The following TNS3 variants were observed in gnomAD, a reference collection of about 807,000 sequenced individuals.
TNS3 encodes tensin-3.
A neutral mutation model predicts 140.9 loss-of-function variants in TNS3; 45 were observed. The observed-to-expected ratio is 0.32, with a 90% CI of 0.25 to 0.41. TNS3 has a LOEUF of 0.41. Among genes scored for constraint, TNS3 ranks in the 10% least tolerant of loss-of-function variants. The pLI, the probability that TNS3 is intolerant of heterozygous loss-of-function variation, is 1.00. For missense variants in TNS3, 1,716 were observed against 1,906.7 expected (o/e 0.90, Z 1.86); for synonymous variants, 815 against 788.4 (o/e 1.03, Z -0.56).
At chr7:47,424,760 T>C (rs1480158291) in intron 9 of TNS3, among the ~76,000 whole-genome samples, 7 of 152,210 alleles carry the variant, frequency 4.6e-5, no homozygotes, top group African/African-American at 9.6e-5. Context: ...TTGAGAAGGC[T>C]GTAGGGCACT....
chr7:47,316,094 TTCTCTCTCTCTCTC>T (rs56939479), intron 20 of TNS3, among the ~76,000 whole-genome samples: 3,732 of 105,868 alleles, frequency 0.035, 75 homozygotes, highest in Middle Eastern at 0.075. Context: ...AACTAACTAT[TTCTCTCTCTCTCTC>T]TCTCTCTCTC....
At chr7:47,474,745 A>C (rs1295323031) in intron 4 of TNS3, among the ~76,000 whole-genome samples, 1 of 148,678 alleles carries the variant, frequency 6.7e-6, no homozygotes, top group Non-Finnish European at 1.5e-5. Flanking sequence ...ACACCTCAGC[A>C]CAACACACAA....
At position 47,283,656 on chromosome 7, in the gene TNS3, C is replaced by T. The variant is rs369402308; in HGVS notation, c.4097+41G>A. 36 of 1,492,160 alleles carry T rather than the reference C, an allele frequency of 2.4e-5. No homozygotes were observed. The South Asian group carries it at 3.1e-4, about 13-fold the overall frequency. 92.4% of individuals were successfully genotyped at this position (1,492,160 alleles called of 1,614,324 possible). A position where few individuals can be genotyped will look rare whatever the true frequency, so the allele number is the denominator to read the frequency against. On this transcript the variant is annotated intron_variant, in intron 28 of 30. Transcript: ENST00000311160. ...AAGAACAAGAGGAACGTGACAGCCC[C>T]GCCCCTGCTGGACGGCTCCTGCCTC...
chr7:47,527,392 G>A (rs1156974899), intron 2 of TNS3, among the ~76,000 whole-genome samples: 2 of 152,160 alleles, frequency 1.3e-5, no homozygotes, highest in Admixed American at 6.5e-5. Flanking sequence ...GACACAGAGG[G>A]GCTGCTGTAT....
chr7:47,389,080 A>G (rs62446295), intron 16 of TNS3, among the ~76,000 whole-genome samples: 60,496 of 65,652 alleles, frequency 0.92, 28,388 homozygotes, highest in Non-Finnish European at 0.98. Context: ...AAGAAGAAGA[A>G]GAAGAGGAAG....
At chr7:47,431,003 A>G (rs1200245837) in intron 8 of TNS3, among the ~76,000 whole-genome samples, 2 of 152,108 alleles carry the variant, frequency 1.3e-5, no homozygotes, top group Non-Finnish European at 2.9e-5. Flanking sequence ...GATCACAGGC[A>G]TGAGCCACCG....
At chr7:47,450,787 G>A (rs1795978977) in intron 4 of TNS3, among the ~76,000 whole-genome samples, 1 of 152,228 alleles carries the variant, frequency 6.6e-6, no homozygotes, top group Non-Finnish European at 1.5e-5. Flanking sequence ...GGTTAAACAT[G>A]GCACCCCGTT....
At chr7:47,541,645 A>C (rs1376237536) in intron 1 of TNS3, among the ~76,000 whole-genome samples, 1 of 152,150 alleles carries the variant, frequency 6.6e-6, no homozygotes, top group African/African-American at 2.4e-5. Context: ...TTGAGTCCCT[A>C]CTGATAGAAG....
At chr7:47,381,701 G>A (rs768048609) in intron 16 of TNS3, among the ~76,000 whole-genome samples, 4 of 152,216 alleles carry the variant, frequency 2.6e-5, no homozygotes, top group Non-Finnish European at 5.9e-5. Context: ...TCGCTTACAG[G>A]AGGTTAAGGT....
chr7:47,366,517 G>T (rs980361522), intron 17 of TNS3, among the ~76,000 whole-genome samples: 3 of 152,186 alleles, frequency 2.0e-5, no homozygotes, highest in Admixed American at 2.0e-4. Flanking sequence ...TCACAGAGAC[G>T]CTGCCCTTTA....
At position 47,368,437 on chromosome 7, in the gene TNS3, C is replaced by A; in HGVS notation, c.2209G>T (p.Gly737Ter). 1 of 1,551,906 alleles carries A rather than the reference C, an allele frequency of 6.4e-7. No individual in the cohort carries two copies. The highest frequency in any genetic ancestry group is 2.3e-5 in the East Asian group (1 of 43,578). Residue 737 changes from glycine to a stop codon, truncating the protein, a stop_gained, in exon 17 of 31, where the codon GGA becomes TGA. Transcript: ENST00000311160. LOFTEE classifies it high-confidence loss of function. ...CTGCTGCTTGCCCGGAGCCCACCTC[C>A]CACGCTGTCTGGAGACACAGAGCCA... ...ANGSVSPDSV[G>*]GGLRASSRLP...
In TNS3 at chr7:47,275,982, C is replaced by G. The variant is rs994318351; in HGVS notation, c.*2094G>C. On this transcript the variant is annotated 3_prime_UTR_variant, in exon 31 of 31. Transcript: ENST00000311160. ...CATCCTTCATCAGAAGGATAAGGAA[C>G]CTGGCCTGCACTCTTTGGGTTAAAC... The G allele has an allele frequency of 4.9e-6, 2 of 411,874 alleles. No individual in the cohort carries two copies. 25.5% of individuals were successfully genotyped at this position (411,874 alleles called of 1,614,324 possible). A position where few individuals can be genotyped will look rare whatever the true frequency, so the allele number is the denominator to read the frequency against.
intron 20 of TNS3, among the ~76,000 whole-genome samples, chr7:47,337,426 T>C (rs1300425380): frequency 6.6e-6 from 1 of 152,240 alleles, no homozygotes; most frequent in African/African-American, 2.4e-5. Flanking sequence ...TTTATGGAGA[T>C]AGTGTTATAC....
At chr7:47,544,749 G>A (rs944450317) in intron 1 of TNS3, among the ~76,000 whole-genome samples, 1 of 152,124 alleles carries the variant, frequency 6.6e-6, no homozygotes, top group African/African-American at 2.4e-5. Context: ...GCACGGATCA[G>A]TAGGCATCCC....
intron 2 of TNS3, among the ~76,000 whole-genome samples, chr7:47,508,841 G>T (rs956434398): frequency 2.0e-5 from 3 of 152,204 alleles, no homozygotes; most frequent in Non-Finnish European, 2.9e-5. Context: ...AAGCAGCCCT[G>T]TGGAGAGGCC....
At chr7:47,526,771 A>T (rs566903833) in intron 2 of TNS3, among the ~76,000 whole-genome samples, 1 of 152,176 alleles carries the variant, frequency 6.6e-6, no homozygotes, top group Non-Finnish European at 1.5e-5. Flanking sequence ...GTATCGCCCA[A>T]TGGCTCCGCT....
intron 30 of TNS3, chr7:47,278,767 C>T (rs932553655): frequency 5.2e-5 from 8 of 152,616 alleles, no homozygotes; most frequent in African/African-American, 1.9e-4. Context: ...ACATAGACTT[C>T]AGGGAGCTGT....
intron 1 of TNS3, among the ~76,000 whole-genome samples, chr7:47,534,396 A>C (rs947141911): frequency 6.6e-6 from 1 of 152,148 alleles, no homozygotes; most frequent in Non-Finnish European, 1.5e-5. Context: ...ACCTCTCTTA[A>C]ATAGAAAAGA....
chr7:47,530,115 G>A (rs898046258), intron 1 of TNS3, among the ~76,000 whole-genome samples: 3 of 152,146 alleles, frequency 2.0e-5, no homozygotes, highest in African/African-American at 7.2e-5. Flanking sequence ...GGTCATAACA[G>A]CTTTATATAA....
Sources: gnomAD v4.1 joint callset for allele counts (sites outside exome capture counted in the v4.1 genomes callset) on GRCh38, gnomAD v4.1.1 for gene constraint, MANE v1.5 for transcripts, NCBI Gene and HGNC (gene_info 2026-07-23, HGNC 2026-07-21) for gene names.